CTDSPL2: variants seen among roughly 807,000 people sequenced by gnomAD.
CTDSPL2 encodes CTD small phosphatase like 2.
CTDSPL2 carries 5 observed loss-of-function variants against 60.0 expected under a neutral mutation model. That is an observed-to-expected ratio of 0.08 (90% CI 0.04 to 0.18). The LOEUF is 0.18. CTDSPL2 is among the 10% of genes least tolerant of loss of function. The pLI is 1.00. For synonymous variants in CTDSPL2, 186 were observed against 189.3 expected (o/e 0.98, Z 0.14); for missense variants, 370 against 548.8 (o/e 0.67, Z 3.26).
intron 2 of CTDSPL2, among the ~76,000 whole-genome samples, chr15:44,466,149 C>T (rs935909387): frequency 4.6e-5 from 7 of 151,902 alleles, no homozygotes; most frequent in Non-Finnish European, 8.8e-5. Flanking sequence ...GTTGGCCACG[C>T]TGGTCTCGAA....
At chr15:44,524,060 T>A in intron 12 of CTDSPL2, 49 bp from the exon 13 acceptor site, 1 of 1,393,498 alleles carries the variant, frequency 7.2e-7, no homozygotes, top group Non-Finnish European at 1.0e-6. Context: ...ATGAGGATCA[T>A]ATCTTTGAAA....
At position 44,490,776 on chromosome 15, in the gene CTDSPL2, G is replaced by C. The variant is rs776962075; in HGVS notation, c.476-8G>C. ...AAATGATGATAGTACACTGAATCAT[G>C]ATTTCAGGAACGTCAGGATCAGATT... On this transcript the variant is annotated splice_region_variant and splice_polypyrimidine_tract_variant and intron_variant, in intron 4 of 12. Transcript: ENST00000260327. 1 of 1,609,374 alleles carries C rather than the reference G, an allele frequency of 6.2e-7. No homozygotes were observed. Among genetic ancestry groups the C allele is most frequent in the Admixed American group, 1.7e-5 (1 of 60,010 alleles).
intron 1 of CTDSPL2, among the ~76,000 whole-genome samples, chr15:44,439,138 A>G (rs960228465): frequency 2.7e-5 from 4 of 149,270 alleles, no homozygotes; most frequent in East Asian, 3.9e-4. Context: ...TATTATTATT[A>G]TTATTGTTAT....
chr15:44,434,071 GTTATTTAT>G (rs574610723), intron 1 of CTDSPL2, among the ~76,000 whole-genome samples: 23 of 151,398 alleles, frequency 1.5e-4, no homozygotes, highest in East Asian at 3.9e-4. Context: ...AAAAATCATT[GTTATTTAT>G]TTATTTATTT....
chr15:44,484,563 C>T (rs530319782), intron 3 of CTDSPL2, among the ~76,000 whole-genome samples: 3 of 152,270 alleles, frequency 2.0e-5, no homozygotes, highest in East Asian at 1.9e-4. Flanking sequence ...GGCAAAACCC[C>T]GTCTCTATTA....
At chr15:44,471,563 T>A (rs1341995300) in intron 2 of CTDSPL2, among the ~76,000 whole-genome samples, 1 of 152,224 alleles carries the variant, frequency 6.6e-6, no homozygotes, top group Non-Finnish European at 1.5e-5. Flanking sequence ...TGCCCCTTTA[T>A]TATGATCTAC....
At chr15:44,518,450 A>C (rs2081698039) in intron 10 of CTDSPL2, among the ~76,000 whole-genome samples, 1 of 152,178 alleles carries the variant, frequency 6.6e-6, no homozygotes, top group Non-Finnish European at 1.5e-5. Flanking sequence ...TTGATACTTA[A>C]ATCTGAATTC....
At chr15:44,499,872 CTT>C (rs908762327) in intron 8 of CTDSPL2, 59 bp downstream of exon 8, 2 of 952,796 alleles carry the variant, frequency 2.1e-6, no homozygotes, top group African/African-American at 1.7e-5. Context: ...ATAAAAAAAA[CTT>C]TTGTATTTTT....
intron 8 of CTDSPL2, among the ~76,000 whole-genome samples, chr15:44,511,055 C>G: frequency 6.6e-6 from 1 of 152,310 alleles, no homozygotes; most frequent in Admixed American, 6.5e-5. Flanking sequence ...AACCCCAGCC[C>G]AGTACCTTTC....
chr15:44,431,805 G>A (rs926738862), intron 1 of CTDSPL2, among the ~76,000 whole-genome samples: 1 of 148,344 alleles, frequency 6.7e-6, no homozygotes, highest in African/African-American at 2.5e-5. Flanking sequence ...TGGAACCTCT[G>A]CCTCCTGGGT....
intron 8 of CTDSPL2, among the ~76,000 whole-genome samples, chr15:44,504,964 G>T (rs967858427): frequency 6.6e-6 from 1 of 152,030 alleles, no homozygotes; most frequent in East Asian, 1.9e-4. Context: ...TTATTAGTAT[G>T]TTTAGTTATT....
chr15:44,477,422 C>T (rs754638389), intron 2 of CTDSPL2, among the ~76,000 whole-genome samples: 6 of 152,000 alleles, frequency 3.9e-5, no homozygotes, highest in Non-Finnish European at 7.4e-5. Context: ...GTAGTCCCAG[C>T]TACTTGGGAG....
At chr15:44,457,853 C>T (rs1212062962) in intron 1 of CTDSPL2, among the ~76,000 whole-genome samples, 2 of 152,216 alleles carry the variant, frequency 1.3e-5, no homozygotes, top group Admixed American at 6.5e-5. Context: ...TTCAGGTGAG[C>T]CACCTGCCTT....
intron 2 of CTDSPL2, among the ~76,000 whole-genome samples, chr15:44,473,444 C>T (rs1408271607): frequency 2.0e-5 from 3 of 152,040 alleles, no homozygotes; most frequent in Non-Finnish European, 2.9e-5. Context: ...TACAGGCGCC[C>T]GCCACCACGC....
chr15:44,510,122 A>G (rs1044220792), intron 8 of CTDSPL2, among the ~76,000 whole-genome samples: 4 of 151,460 alleles, frequency 2.6e-5, no homozygotes, highest in African/African-American at 7.3e-5. Flanking sequence ...AGTAGCTGGG[A>G]CTACAGGTGC....
intron 12 of CTDSPL2, among the ~76,000 whole-genome samples, chr15:44,522,273 A>G (rs1023069811): frequency 3.3e-5 from 5 of 152,088 alleles, no homozygotes; most frequent in African/African-American, 1.2e-4. Context: ...GGCTCAAACT[A>G]TCTGCCCATC....
intron 1 of CTDSPL2, among the ~76,000 whole-genome samples, chr15:44,455,839 A>ATT (rs35307134): frequency 0.012 from 558 of 47,560 alleles, 75 homozygotes; most frequent in Non-Finnish European, 0.017. Flanking sequence ...TTTATTGAGG[A>ATT]TTTTTTTTTT....
chr15:44,488,906 A>G (rs756137750), intron 4 of CTDSPL2, among the ~76,000 whole-genome samples: 23 of 152,216 alleles, frequency 1.5e-4, no homozygotes, highest in Non-Finnish European at 3.4e-4. Flanking sequence ...AGGTGTGTAT[A>G]TCTCTGAAGG....
At chr15:44,475,714 G>T (rs943112905) in intron 2 of CTDSPL2, among the ~76,000 whole-genome samples, 1 of 150,892 alleles carries the variant, frequency 6.6e-6, no homozygotes, top group South Asian at 2.1e-4. Context: ...TGCTTTTAAA[G>T]AACTCATTAT....
Sources: gnomAD v4.1 joint callset for allele counts (sites outside exome capture counted in the v4.1 genomes callset) on GRCh38, gnomAD v4.1.1 for gene constraint, MANE v1.5 for transcripts, NCBI Gene and HGNC (gene_info 2026-07-23, HGNC 2026-07-21) for gene names.